The following CDC25C variants were observed in gnomAD, a reference collection of about 807,000 sequenced individuals.
CDC25C encodes cell division cycle 25C, also known as M-phase inducer phosphatase 3.
In CDC25C, 48 loss-of-function variants were observed where a neutral mutation model predicts 52.5. The ratio of observed to expected loss-of-function variants is 0.91; its 90% CI spans 0.72 to 1.16. The LOEUF is 1.16. Among genes scored for constraint, CDC25C ranks in the 50% most tolerant of loss-of-function variants. The pLI is 0.00. For synonymous variants in CDC25C, 187 were observed against 206.5 expected, an observed-to-expected ratio of 0.91 and a Z score of 0.81; for missense variants, 510 against 566.1, an observed-to-expected ratio of 0.90 and a Z score of 1.01.
chr5:138,288,898 T>C (rs11567999), intron 10 of CDC25C, among the ~76,000 whole-genome samples: 3,671 of 152,252 alleles, frequency 0.024, 50 homozygotes, highest in Admixed American at 0.038. Context: ...GTCACCCTAA[T>C]TGAGACCTTA....
At chr5:138,307,162 C>T (rs950375265) in intron 7 of CDC25C, among the ~76,000 whole-genome samples, 1 of 151,908 alleles carries the variant, frequency 6.6e-6, no homozygotes, top group African/African-American at 2.4e-5. Context: ...CTTTTGTAAC[C>T]TAAAACCTAC....
In CDC25C at chr5:138,310,684, C is replaced by T. The variant is rs369332451; in HGVS notation, c.615+8535G>A. Among the ~76,000 whole-genome samples, 3 of 152,282 alleles carry T rather than the reference C, an allele frequency of 2.0e-5. No homozygotes were observed. The East Asian group carries it at 5.8e-4, about 29-fold the overall frequency. ...AACACAAGGAGATCATATGACTCAC[C>T]TACAGTCATATATCTAAAAGTGGCA... is the stretch of plus-strand genomic sequence containing the variant. On this transcript the variant is annotated intron_variant, in intron 7 of 13. Coordinates refer to ENST00000323760, the MANE Select transcript of CDC25C (RefSeq NM_001790.5).
intron 1 of CDC25C, chr5:138,337,944 G>T: frequency 7.8e-7 from 1 of 1,288,460 alleles, no homozygotes; most frequent in South Asian, 1.2e-5. Context: ...CAGGGGCGAT[G>T]CCTTTGTTTA....
At chr5:138,313,304 A>G (rs1758593224) in intron 7 of CDC25C, among the ~76,000 whole-genome samples, 1 of 149,020 alleles carries the variant, frequency 6.7e-6, no homozygotes, top group Non-Finnish European at 1.5e-5. Flanking sequence ...ACTTGAACCC[A>G]GGAGGTGGAG....
chr5:138,334,804 T>C (rs954773003), upstream of CDC25C, among the ~76,000 whole-genome samples: 1 of 152,208 alleles, frequency 6.6e-6, no homozygotes, highest in South Asian at 2.1e-4. Context: ...AACTGTGAAA[T>C]GGTAGAATTA....
intron 2 of CDC25C, 79 bp from the exon 3 acceptor site, chr5:138,329,726 CTTTTTTTT>C (rs71574413): frequency 3.4e-4 from 99 of 293,594 alleles, no homozygotes; most frequent in South Asian, 5.4e-4. Context: ...TCATCCTCTT[CTTTTTTTT>C]TTTTTTTTTT....
chr5:138,331,152 C>T lies in CDC25C; in HGVS notation c.29G>A (p.Arg10Lys). MSTELFSST[R>K]EEGSSGSGPS... ...TCCTGAGCCAGAGCTTCCTTCCTCT[C>T]TTGTGGATGAGAAGAGTTCCGTAGA... Residue 10 changes from arginine to lysine, a missense_variant, in exon 2 of 14, where the codon AGA (arginine) becomes AAA (lysine). Transcript: ENST00000323760. 1 of 1,614,156 alleles carries T rather than the reference C, an allele frequency of 6.2e-7. No homozygotes were observed.
At chr5:138,300,178 C>T (rs1450445942) in intron 7 of CDC25C, among the ~76,000 whole-genome samples, 2 of 152,106 alleles carry the variant, frequency 1.3e-5, no homozygotes, top group African/African-American at 4.8e-5. Flanking sequence ...ATTAACAAAA[C>T]AAAACAAAAG....
At chr5:138,322,366 C>G (rs1039115721) in intron 6 of CDC25C, among the ~76,000 whole-genome samples, 2 of 151,624 alleles carry the variant, frequency 1.3e-5, no homozygotes, top group African/African-American at 2.4e-5. Flanking sequence ...GTGGTGCAGT[C>G]TCGGCTTACT....
At chr5:138,303,665 TCCTC>T (rs1757795683) in intron 7 of CDC25C, among the ~76,000 whole-genome samples, 1 of 152,140 alleles carries the variant, frequency 6.6e-6, no homozygotes, top group Non-Finnish European at 1.5e-5. Context: ...CAAATAAGTC[TCCTC>T]TGACCTATGC....
At chr5:138,327,860 G>A (rs1580818790) in intron 4 of CDC25C, among the ~76,000 whole-genome samples, 1 of 151,440 alleles carries the variant, frequency 6.6e-6, no homozygotes, top group East Asian at 1.9e-4. Context: ...CTTATACTCT[G>A]TACTTTCTTT....
At chr5:138,286,452 C>A (rs1190637325) in intron 12 of CDC25C, 45 bp downstream of exon 12, 1 of 1,577,008 alleles carries the variant, frequency 6.3e-7, no homozygotes, top group Non-Finnish European at 8.6e-7. Context: ...AAGTCCAACT[C>A]AAAATCCATT....
intron 6 of CDC25C, among the ~76,000 whole-genome samples, chr5:138,319,576 C>G (rs1450796182): frequency 6.6e-6 from 1 of 152,066 alleles, no homozygotes; most frequent in African/African-American, 2.4e-5. Context: ...AACTTTTGTG[C>G]ATCAAAGAAC....
Position 138,325,866 on chromosome 5 carries a change from A to G in CDC25C, c.408T>C (p.Arg136=), listed in dbSNP as rs1189724272. 1.2e-6 allele frequency: 2 copies of G among 1,614,168 alleles called. No individual in the cohort carries two copies. Among genetic ancestry groups the G allele is most frequent in the Non-Finnish European group, 1.7e-6 (2 of 1,180,006 alleles). The part of the protein sequence containing the change: ...LLCSTPNGLD[R]GHRKRDAMCS... ...ACATTGCATCTCTCTTTCTATGGCC[A>G]CGGTCCAAACCATTCGGAGTGCTAC... is the stretch of plus-strand genomic sequence containing the variant. The change falls in exon 6 of 14, where the codon CGT becomes CGC. Residue 136 remains arginine, a synonymous_variant. Coordinates refer to ENST00000323760, the MANE Select transcript of CDC25C (RefSeq NM_001790.5).
intron 6 of CDC25C, among the ~76,000 whole-genome samples, chr5:138,322,063 G>C (rs988176390): frequency 6.6e-6 from 1 of 150,814 alleles, no homozygotes; most frequent in Non-Finnish European, 1.5e-5. Flanking sequence ...GTGCAGTGGC[G>C]CGATCTTGGC....
intron 7 of CDC25C, among the ~76,000 whole-genome samples, chr5:138,311,367 G>A (rs1758441126): frequency 6.6e-6 from 1 of 152,236 alleles, no homozygotes; most frequent in South Asian, 2.1e-4. Context: ...GCTGAAGCAA[G>A]AGGATCGCTT....
Position 138,286,448 on chromosome 5 carries a change from A to T in CDC25C, c.1160+49T>A, listed in dbSNP as rs780632652. On this transcript the variant is annotated intron_variant, in intron 12 of 13. Transcript: ENST00000323760. ...CTGTCTGAACTGGTGTGGGAAGTCCAACTCAAAATCCATTTCCATCACCCG... is the reference window on the plus strand; with the variant it reads ...CTGTCTGAACTGGTGTGGGAAGTCCTACTCAAAATCCATTTCCATCACCCG... 4 of 1,572,312 alleles carry T rather than the reference A, an allele frequency of 2.5e-6. No homozygotes were observed. The African/African-American group carries it at 5.4e-5, about 21-fold the overall frequency.
upstream of CDC25C, among the ~76,000 whole-genome samples, chr5:138,334,174 T>C (rs943405174): frequency 1.5e-4 from 23 of 152,164 alleles, no homozygotes; most frequent in Non-Finnish European, 3.1e-4. Context: ...CCTCAAATGA[T>C]CCACCCACCT....
chr5:138,323,179 C>A (rs1759576159), intron 6 of CDC25C, among the ~76,000 whole-genome samples: 1 of 152,160 alleles, frequency 6.6e-6, no homozygotes. Flanking sequence ...GATCCACCTG[C>A]CTCAGCCTCC....
Sources: allele counts gnomAD v4.1 joint callset (sites outside exome capture counted in the v4.1 genomes callset), GRCh38; gene constraint gnomAD v4.1.1; transcripts MANE v1.5; gene names NCBI Gene and HGNC (gene_info 2026-07-23, HGNC 2026-07-21).